Variants in LRP12 observed in about 807,000 individuals in gnomAD.
LRP12 encodes the protein low-density lipoprotein receptor-related protein 12.
Under a neutral mutation model 66.0 loss-of-function variants are expected in LRP12, and 14 were observed. The ratio of observed to expected loss-of-function variants is 0.21; its 90% CI spans 0.14 to 0.33. The LOEUF (loss-of-function observed/expected upper bound fraction) is 0.33, where lower values mean the gene tolerates loss of function less well. LRP12 is among the 10% of genes least tolerant of loss of function. LRP12 has a pLI of 1.00. For missense variants in LRP12, 889 were observed against 1,053.4 expected, an observed-to-expected ratio of 0.84 and a Z score of 2.16; for synonymous variants, 357 against 359.1, an observed-to-expected ratio of 0.99 and a Z score of 0.07.
At chr8:104,522,482 T>C (rs896208704) in intron 2 of LRP12, among the ~76,000 whole-genome samples, 18 of 152,112 alleles carry the variant, frequency 1.2e-4, no homozygotes, top group African/African-American at 4.3e-4. Flanking sequence ...AGAAACTTCC[T>C]AAGTAAATAT....
chr8:104,515,450 T>C (rs1445311715), intron 2 of LRP12, among the ~76,000 whole-genome samples: 1 of 152,218 alleles, frequency 6.6e-6, no homozygotes, highest in Non-Finnish European at 1.5e-5. Flanking sequence ...GAAAACCCTA[T>C]AGAAGCTGCC....
intron 1 of LRP12, among the ~76,000 whole-genome samples, chr8:104,532,509 T>C (rs190120975): frequency 6.6e-6 from 1 of 152,270 alleles, no homozygotes; most frequent in East Asian, 1.9e-4. Flanking sequence ...CAATGTCTCT[T>C]CAGATATTTG....
intron 2 of LRP12, among the ~76,000 whole-genome samples, chr8:104,524,709 G>A (rs574989077): frequency 6.6e-6 from 1 of 152,268 alleles, no homozygotes; most frequent in Admixed American, 6.5e-5. Context: ...ATTAATTATT[G>A]TAGGAAGGTA....
chr8:104,558,141 C>T (rs953225599), intron 1 of LRP12, among the ~76,000 whole-genome samples: 9 of 152,004 alleles, frequency 5.9e-5, no homozygotes, highest in Non-Finnish European at 1.0e-4. Context: ...ACCCCAGAGG[C>T]GAAGGCTGCA....
rs764642289 is a variant in LRP12 at position 104,490,879 on chromosome 8, A to C, written c.2374T>G (p.Ser792Ala). The C allele has an allele frequency of 6.2e-7, 1 of 1,614,142 alleles. No individual in the cohort carries two copies. The highest frequency in any genetic ancestry group is 1.6e-4 in the Middle Eastern group (1 of 6,062). The change falls in exon 7 of 7, where the codon TCC (serine) becomes GCC (alanine). Residue 792 changes from serine to alanine, a missense_variant. Ser to Ala is a moderately conservative substitution (Grantham distance 99). This residue lies in a region of LRP12 where 800 missense variants were observed against 964.5 expected (regional missense o/e 0.83). Coordinates refer to ENST00000276654, the MANE Select transcript of LRP12 (RefSeq NM_013437.5). ...GSSDFDVNDC[S>A]RPLLDLASDQ... ...GAGGCAAGATCAAGAAGAGGTCTGG[A>C]GCAGTCATTCACATCAAAGTCTGAA...
At chr8:104,549,162 C>T (rs1203986642) in intron 1 of LRP12, among the ~76,000 whole-genome samples, 1 of 151,986 alleles carries the variant, frequency 6.6e-6, no homozygotes, top group East Asian at 1.9e-4. Context: ...AAAAGCAAAA[C>T]CACTACTTTC....
At chr8:104,576,748 C>T (rs1812171206) in intron 1 of LRP12, among the ~76,000 whole-genome samples, 1 of 152,044 alleles carries the variant, frequency 6.6e-6, no homozygotes, top group African/African-American at 2.4e-5. Context: ...GGATCAAATC[C>T]ACACATATCA....
chr8:104,589,051 G>A lies in LRP12; in HGVS notation c.-154C>T, dbSNP rs928898297. The A allele has an allele frequency of 6.8e-5, 25 of 366,318 alleles. No homozygotes were observed. Among genetic ancestry groups the A allele is most frequent in the African/African-American group, 5.2e-4 (24 of 46,174 alleles). The allele number at this position is 366,318 out of a possible 1,614,324, so 22.7% of individuals were successfully genotyped here. On this transcript the variant is annotated 5_prime_UTR_variant, in exon 1 of 7. Coordinates refer to ENST00000276654, the MANE Select transcript of LRP12 (RefSeq NM_013437.5). ...CGCGGCTGCGGGAGGGGGAAGGGAG[G>A]GGCCGCCGCCGCCCGCGCGCGCTCC...
At chr8:104,567,123 G>C (rs1218179637) in intron 1 of LRP12, among the ~76,000 whole-genome samples, 1 of 152,058 alleles carries the variant, frequency 6.6e-6, no homozygotes, top group East Asian at 1.9e-4. Context: ...CACCATACCA[G>C]AGGTTTTGGC....
intron 1 of LRP12, among the ~76,000 whole-genome samples, chr8:104,585,827 G>C (rs909152340): frequency 6.6e-6 from 1 of 152,146 alleles, no homozygotes; most frequent in South Asian, 2.1e-4. Context: ...ATAAAGCAAC[G>C]GAACTGTCAG....
chr8:104,554,364 A>AT (rs529808051), intron 1 of LRP12, among the ~76,000 whole-genome samples: 53 of 150,658 alleles, frequency 3.5e-4, no homozygotes, highest in South Asian at 1.0e-3. Context: ...CAACTTTAAG[A>AT]TTTTTTTTTT....
Position 104,499,345 on chromosome 8 carries a change from T to C in LRP12, c.447A>G (p.Arg149=), listed in dbSNP as rs1263383739. The C allele has an allele frequency of 1.9e-6, 3 of 1,613,262 alleles. No homozygotes were observed. Among genetic ancestry groups the C allele is most frequent in the Admixed American group, 1.7e-5 (1 of 59,868 alleles). ...AAAAATATGCCAGTCTGAAACCCTTTCTAGAGATGTTGTCATCCGAATGAA... is the reference window on the plus strand; with the variant it reads ...AAAAATATGCCAGTCTGAAACCCTTCCTAGAGATGTTGTCATCCGAATGAA... ...IRFHSDDNIS[R]KGFRLAYFSG... is the part of the protein sequence containing the mutation. Residue 149 remains arginine (R), a synonymous_variant, in exon 4 of 7, where the codon AGA becomes AGG. Transcript: ENST00000276654.
At chr8:104,547,583 A>ATT (rs1288119666) in intron 1 of LRP12, among the ~76,000 whole-genome samples, 1 of 122,064 alleles carries the variant, frequency 8.2e-6, no homozygotes, top group Admixed American at 9.4e-5. Flanking sequence ...ATTATATATT[A>ATT]ATATATAATA....
rs376263027 is a variant in LRP12 at position 104,521,798 on chromosome 8, T to A, written c.136+10109A>T. 2.6e-5 allele frequency among the ~76,000 whole-genome samples: 4 copies of A among 152,016 alleles called. No homozygotes were observed. In the East Asian group the frequency reaches 7.7e-4, roughly 29 times the overall value. Reference sequence around the variant, plus strand: ...TTCTTTTCTTCATCTGAAACATGGATGAAAGACATTTTTATAACACTGGTC... The same window carrying A: ...TTCTTTTCTTCATCTGAAACATGGAAGAAAGACATTTTTATAACACTGGTC... On this transcript the variant is annotated intron_variant, in intron 2 of 6. Coordinates refer to ENST00000276654, the MANE Select transcript of LRP12 (RefSeq NM_013437.5).
At chr8:104,511,441 T>C (rs1384660896) in intron 2 of LRP12, among the ~76,000 whole-genome samples, 1 of 152,148 alleles carries the variant, frequency 6.6e-6, no homozygotes, top group African/African-American at 2.4e-5. Flanking sequence ...CCTTGAATTC[T>C]TGGGCGCAGG....
intron 1 of LRP12, among the ~76,000 whole-genome samples, chr8:104,585,285 G>A (rs896692925): frequency 3.3e-5 from 5 of 152,100 alleles, no homozygotes; most frequent in East Asian, 1.9e-4. Flanking sequence ...GAATACAATC[G>A]TGCAATCTTG....
At chr8:104,547,150 A>G (rs1811581186) in intron 1 of LRP12, among the ~76,000 whole-genome samples, 1 of 144,048 alleles carries the variant, frequency 6.9e-6, no homozygotes. Flanking sequence ...ATACAATTCT[A>G]TGTTATATCA....
chr8:104,521,127 GA>G (rs1005889879), intron 2 of LRP12, among the ~76,000 whole-genome samples: 3 of 151,714 alleles, frequency 2.0e-5, no homozygotes, highest in African/African-American at 7.3e-5. Context: ...GAAGTATTTT[GA>G]TTTTTTTTTC....
At chr8:104,554,937 C>T (rs2140883178) in intron 1 of LRP12, among the ~76,000 whole-genome samples, 1 of 152,272 alleles carries the variant, frequency 6.6e-6, no homozygotes, top group African/African-American at 2.4e-5. Flanking sequence ...TCAGCAGAAA[C>T]CTTACAAGCT....
Sources: allele counts gnomAD v4.1 joint callset (sites outside exome capture counted in the v4.1 genomes callset), GRCh38; gene constraint gnomAD v4.1.1; regional missense constraint gnomAD v4.1.1; transcripts MANE v1.5; gene names NCBI Gene and HGNC (gene_info 2026-07-23, HGNC 2026-07-21).